Variants in LRP1B observed in about 807,000 individuals in gnomAD.
The protein encoded by LRP1B is low-density lipoprotein receptor-related protein 1B.
LRP1B carries 217 observed loss-of-function variants against 556.6 expected under a neutral mutation model. That is an observed-to-expected ratio of 0.39 (90% CI 0.35 to 0.44). The LOEUF (loss-of-function observed/expected upper bound fraction) is 0.44. LRP1B is among the 20% of genes least tolerant of loss of function. The probability of loss-of-function intolerance (pLI) is 1.00; values close to 1 mark genes in which losing one functional copy is unlikely to be tolerated. For missense variants in LRP1B, 5,053 were observed against 5,620.8 expected (o/e 0.90, Z 3.23); for synonymous variants, 2,047 against 1,865.8 (o/e 1.10, Z -2.50).
chr2:141,160,681 A>G (rs987810698), intron 7 of LRP1B, among the ~76,000 whole-genome samples: 17 of 152,126 alleles, frequency 1.1e-4, no homozygotes, highest in Non-Finnish European at 2.4e-4. Flanking sequence ...ATAAAACTAT[A>G]CTTATTAAAT....
At chr2:140,432,874 T>C (rs1429172553) in intron 66 of LRP1B, among the ~76,000 whole-genome samples, 2 of 151,260 alleles carry the variant, frequency 1.3e-5, no homozygotes, top group Non-Finnish European at 2.9e-5. Flanking sequence ...TTCCTGACTC[T>C]TTTTTGTAGT....
chr2:140,749,269 A>C (rs1016180269), intron 35 of LRP1B, among the ~76,000 whole-genome samples: 2 of 152,148 alleles, frequency 1.3e-5, no homozygotes, highest in Admixed American at 6.6e-5. Flanking sequence ...AGACTTTATG[A>C]ACCCTGCACA....
At chr2:140,576,102 C>G (rs553689243) in intron 43 of LRP1B, among the ~76,000 whole-genome samples, 3 of 152,232 alleles carry the variant, frequency 2.0e-5, no homozygotes, top group African/African-American at 7.2e-5. Flanking sequence ...CTCCACACTT[C>G]AGGTGCTGAA....
At chr2:140,333,396 C>T (rs1456652356) in intron 79 of LRP1B, among the ~76,000 whole-genome samples, 1 of 152,026 alleles carries the variant, frequency 6.6e-6, no homozygotes, top group Non-Finnish European at 1.5e-5. Context: ...GAACTTGCTT[C>T]ACATTGTTTC....
intron 41 of LRP1B, among the ~76,000 whole-genome samples, chr2:140,696,019 C>T (rs976974082): frequency 1.3e-5 from 2 of 152,126 alleles, no homozygotes; most frequent in Admixed American, 6.6e-5. Context: ...AAATTTAGAA[C>T]TCTCTGATAT....
intron 10 of LRP1B, among the ~76,000 whole-genome samples, chr2:141,052,210 C>A (rs1395780879): frequency 3.3e-5 from 5 of 151,972 alleles, no homozygotes; most frequent in Admixed American, 6.6e-5. Context: ...CTCTCAGTGT[C>A]TACCTGATGT....
intron 3 of LRP1B, among the ~76,000 whole-genome samples, chr2:141,391,867 G>C (rs4954902): frequency 0.44 from 67,561 of 152,020 alleles, 16,442 homozygotes; most frequent in Non-Finnish European, 0.56. Context: ...TCTAGAGGCT[G>C]GTATCAGTAT....
rs188499987 is a variant in LRP1B, at chr2:141,724,675, T to C, written c.205+85604A>G. ...GGAAAATTGACTATCAGTGTTTTTG[T>C]TTGTTTTGTTTTCATTTAAACCATT... On this transcript the variant is annotated intron_variant, in intron 2 of 90. Coordinates refer to ENST00000389484, the MANE Select transcript of LRP1B (RefSeq NM_018557.3). Among the ~76,000 whole-genome samples, 88 of 151,742 alleles carry C rather than the reference T, an allele frequency of 5.8e-4. 2 individuals are homozygous for C. The East Asian group carries it at 0.016, about 28-fold the overall frequency.
At chr2:140,553,079 T>C (rs189744659) in intron 43 of LRP1B, among the ~76,000 whole-genome samples, 1 of 152,172 alleles carries the variant, frequency 6.6e-6, no homozygotes, top group East Asian at 1.9e-4. Flanking sequence ...AACCAGGAAC[T>C]GGGAGGCTTC....
intron 62 of LRP1B, among the ~76,000 whole-genome samples, chr2:140,451,802 G>C (rs370415810): frequency 4.0e-5 from 6 of 150,986 alleles, no homozygotes; most frequent in African/African-American, 1.5e-4. Context: ...AAAAATGAAG[G>C]CACAGAAAAA....
chr2:140,621,433 T>C, intron 41 of LRP1B, among the ~76,000 whole-genome samples: 1 of 146,694 alleles, frequency 6.8e-6, no homozygotes, highest in East Asian at 2.0e-4. Context: ...TGTCAAACAA[T>C]CTATAGAGTA....
At chr2:142,081,957 G>A (rs1400970544) in intron 1 of LRP1B, among the ~76,000 whole-genome samples, 1 of 152,192 alleles carries the variant, frequency 6.6e-6, no homozygotes, top group Admixed American at 6.5e-5. Context: ...AGATGGTGCA[G>A]CTACTAAGTG....
chr2:140,364,708 C>A lies in LRP1B; in HGVS notation c.11084G>T (p.Gly3695Val), dbSNP rs2105151582. ...LCKLHFWVCD[G>V]EDDCGDNSDE... The stretch of plus-strand genomic sequence containing the variant: ...AGAGTTGTCTCCACAGTCGTCCTCT[C>A]CATCACACACCCAGAAATGTAGTTT... Residue 3695 changes from glycine to valine, a missense_variant, in exon 72 of 91, where the codon GGA becomes GTA. This residue lies in a region of LRP1B where 599 missense variants were observed against 648.4 expected (regional missense o/e 0.92). Transcript: ENST00000389484. 1 of 1,610,374 alleles carries A rather than the reference C, an allele frequency of 6.2e-7. No homozygotes were observed.
At chr2:140,765,059 C>A (rs1392373036) in intron 35 of LRP1B, among the ~76,000 whole-genome samples, 1 of 151,956 alleles carries the variant, frequency 6.6e-6, no homozygotes, top group Non-Finnish European at 1.5e-5. Flanking sequence ...AAACTCCTGG[C>A]CTCAAGTGAT....
At chr2:142,094,322 G>T (rs573785858) in intron 1 of LRP1B, among the ~76,000 whole-genome samples, 1 of 152,158 alleles carries the variant, frequency 6.6e-6, no homozygotes, top group African/African-American at 2.4e-5. Context: ...ATGACTTAAT[G>T]TGTGAAGCTG....
At chr2:141,444,014 A>C (rs2105009541) in intron 3 of LRP1B, among the ~76,000 whole-genome samples, 1 of 152,240 alleles carries the variant, frequency 6.6e-6, no homozygotes, top group South Asian at 2.1e-4. Flanking sequence ...TCTATAAATT[A>C]CTTTGGGCAG....
chr2:141,041,470 C>T (rs1237893997), intron 11 of LRP1B, among the ~76,000 whole-genome samples: 1 of 152,032 alleles, frequency 6.6e-6, no homozygotes, highest in Non-Finnish European at 1.5e-5. Context: ...TGGCTCAGGG[C>T]CTTGTATTAT....
rs148978752 is a variant in LRP1B at position 140,460,402 on chromosome 2, T to C, written c.9626-2751A>G. On this transcript the variant is annotated intron_variant, in intron 60 of 90. Transcript: ENST00000389484. ...GCTAATAAAAAATCACCATGAAATG[T>C]GAAGGTATGAAAGAAACATTTAACA... is the stretch of plus-strand genomic sequence containing the variant. 2.0e-3 allele frequency among the ~76,000 whole-genome samples: 300 copies of C among 152,232 alleles called. 2 individuals are homozygous for C. The highest frequency in any genetic ancestry group is 4.0e-3 in the Admixed American group (61 of 15,276).
intron 33 of LRP1B, among the ~76,000 whole-genome samples, chr2:140,773,813 T>C (rs1689399966): frequency 6.6e-6 from 1 of 151,892 alleles, no homozygotes; most frequent in African/African-American, 2.4e-5. Flanking sequence ...TAAGGTTCTT[T>C]TTCTGTTAAA....
Sources: allele counts gnomAD v4.1 joint callset (sites outside exome capture counted in the v4.1 genomes callset), GRCh38; gene constraint gnomAD v4.1.1; regional missense constraint gnomAD v4.1.1; transcripts MANE v1.5; gene names NCBI Gene and HGNC (gene_info 2026-07-23, HGNC 2026-07-21).